CPZ: variants seen among roughly 807,000 people sequenced by gnomAD.
The protein encoded by CPZ is VEZT/CPZ fusion.
In CPZ, 103 loss-of-function variants were observed where a neutral mutation model predicts 61.8. The observed-to-expected ratio is 1.67, with a 90% CI of 1.42 to 1.96. The LOEUF (loss-of-function observed/expected upper bound fraction) is 1.96, where lower values mean the gene tolerates loss of function less well. Ranked by LOEUF, CPZ falls within the 30% of genes most tolerant of loss-of-function variation. The probability of loss-of-function intolerance (pLI) is 0.00; values close to 1 mark genes in which losing one functional copy is unlikely to be tolerated. For missense variants in CPZ, 1,461 were observed against 914.9 expected, an observed-to-expected ratio of 1.60 and a Z score of -7.70; for synonymous variants, 551 against 373.7, an observed-to-expected ratio of 1.47 and a Z score of -5.47.
At chr4:8,597,638 A>G (rs1432141618) in intron 1 of CPZ, 1 of 151,940 alleles carries the variant, frequency 6.6e-6, no homozygotes, top group Non-Finnish European at 1.5e-5. Context: ...GGGCCGCCCC[A>G]CTCCCAGGTG....
intron 9 of CPZ, among the ~76,000 whole-genome samples, chr4:8,615,846 C>T (rs1326768595): frequency 6.6e-6 from 1 of 152,232 alleles, no homozygotes; most frequent in Non-Finnish European, 1.5e-5. Context: ...CTCCCTGGGG[C>T]AGCAGCCGCT....
At chr4:8,608,376 T>G (rs898847706) in intron 7 of CPZ, among the ~76,000 whole-genome samples, 1 of 152,112 alleles carries the variant, frequency 6.6e-6, no homozygotes, top group African/African-American at 2.4e-5. Context: ...GGTGGGCAAG[T>G]GCCAGGTGCC....
At chr4:8,608,783 A>C (rs575843169) in intron 7 of CPZ, among the ~76,000 whole-genome samples, 1 of 152,146 alleles carries the variant, frequency 6.6e-6, no homozygotes, top group South Asian at 2.1e-4. Context: ...TTCCAGCTGC[A>C]GGGCAGGGAG....
Position 8,606,829 on chromosome 4 carries a change from C to T in CPZ, c.999C>T (p.Tyr333=), listed in dbSNP as rs149008174. The T allele has an allele frequency of 2.5e-6, 4 of 1,613,846 alleles. No homozygotes were observed. The highest frequency in any genetic ancestry group is 3.4e-6 in the Non-Finnish European group (4 of 1,180,004). Reference sequence around the variant, plus strand: ...TCCCGGACCTGACGTCCGAGTACTACCGGCTGGCGGAGACCCGCGGCGCAC... The same window carrying T: ...TCCCGGACCTGACGTCCGAGTACTATCGGCTGGCGGAGACCCGCGGCGCAC... ...RNFPDLTSEY[Y]RLAETRGARS... is the part of the protein sequence containing the mutation. Residue 333 remains tyrosine (Y), a synonymous_variant, in exon 6 of 11, where the codon TAC becomes TAT. Coordinates refer to ENST00000360986, the MANE Select transcript of CPZ (RefSeq NM_001014447.3).
intron 9 of CPZ, chr4:8,618,059 G>C (rs993576018): frequency 3.6e-6 from 1 of 281,652 alleles, no homozygotes. Flanking sequence ...CCTCAGCTCA[G>C]AGGGACCCAG....
chr4:8,602,581 T>C (rs1026159720), intron 3 of CPZ: 6 of 152,312 alleles, frequency 3.9e-5, no homozygotes, highest in African/African-American at 1.4e-4. Context: ...ACGACAGCCT[T>C]GCTCCATGGA....
intron 3 of CPZ, chr4:8,602,166 TG>T (rs1714627472): frequency 6.6e-6 from 1 of 152,166 alleles, no homozygotes; most frequent in Non-Finnish European, 1.5e-5. Flanking sequence ...GTCTCTGAGG[TG>T]TGCAAAGAGG....
intron 5 of CPZ, 23 bp downstream of exon 5, chr4:8,606,208 C>G: frequency 6.2e-7 from 1 of 1,602,962 alleles, no homozygotes; most frequent in Non-Finnish European, 8.5e-7. Context: ...ATGCCTGGAT[C>G]CTGTGGGCCA....
intron 4 of CPZ, among the ~76,000 whole-genome samples, chr4:8,605,421 C>T (rs1475021146): frequency 2.0e-5 from 3 of 151,622 alleles, no homozygotes; most frequent in East Asian, 3.9e-4. Flanking sequence ...TCCATCCACT[C>T]ATCATCCATC....
At chr4:8,617,622 G>A (rs77962286) in intron 9 of CPZ, among the ~76,000 whole-genome samples, 1,565 of 152,342 alleles carry the variant, frequency 0.01, 8 homozygotes, top group Middle Eastern at 0.034. Flanking sequence ...GCCTGGCTGG[G>A]AGCCCTTTCC....
rs144001774 is a variant in CPZ, at chr4:8,619,583, G to C, written c.1925G>C (p.Ser642Thr). Residue 642 changes from serine to threonine, a missense_variant, in exon 11 of 11, where the codon AGC becomes ACC. Ser to Thr is a moderately conservative substitution (Grantham distance 58). Coordinates refer to ENST00000360986, the MANE Select transcript of CPZ (RefSeq NM_001014447.3). ...TGGTGGTCCTACTTCACATCGCTGA[G>C]CACCCACAGGCCACGCTGGCTGCTC... ...PWWWSYFTSL[S>T]THRPRWLLKY is the part of the protein sequence containing the mutation. The C allele has an allele frequency of 1.3e-6, 2 of 1,519,584 alleles. No homozygotes were observed. Among genetic ancestry groups the C allele is most frequent in the Non-Finnish European group, 1.8e-6 (2 of 1,133,684 alleles). 94.1% of individuals were successfully genotyped at this position (1,519,584 alleles called of 1,614,324 possible). A position where few individuals can be genotyped will look rare whatever the true frequency, so the allele number is the denominator to read the frequency against.
At chr4:8,615,854 G>T (rs553700660) in intron 9 of CPZ, among the ~76,000 whole-genome samples, 1 of 152,222 alleles carries the variant, frequency 6.6e-6, no homozygotes, top group African/African-American at 2.4e-5. Context: ...GGCAGCAGCC[G>T]CTGAGATAGG....
intron 7 of CPZ, among the ~76,000 whole-genome samples, chr4:8,608,656 A>ATGCCTGTGTG (rs1481432445): frequency 7.3e-5 from 11 of 149,836 alleles, no homozygotes; most frequent in South Asian, 6.2e-4. Context: ...GTGCGTGTGC[A>ATGCCTGTGTG]TGCATGTGCA....
rs1714562432 is a variant in CPZ, at chr4:8,601,361, C to T, written c.360C>T (p.His120=). The T allele has an allele frequency of 6.2e-7, 1 of 1,603,210 alleles. No homozygotes were observed. The highest frequency in any genetic ancestry group is 1.1e-5 in the South Asian group (1 of 90,216). Residue 120 remains histidine, a synonymous_variant, in exon 3 of 11, where the codon CAC becomes CAT. Transcript: ENST00000360986. ...EGGWVRRPCR[H]ICEGLREVCQ... The stretch of plus-strand genomic sequence containing the variant: ...GCTGGGTGCGCAGACCCTGCCGGCA[C>T]ATCTGCGAGGGCCTGCGGGAGGTCT...
Position 8,601,232 on chromosome 4 carries a change from C to T in CPZ, c.231C>T (p.Ser77=), listed in dbSNP as rs150089485. ...HRSWEVVEAS[S]EYILLSVLHQ... ...CGTGGGAGGTGGTGGAGGCCAGCTC[C>T]GAGTACATCCTGCTGAGCGTTCTAC... The change falls in exon 3 of 11, where the codon TCC becomes TCT. Residue 77 remains serine (S), a synonymous_variant. Transcript: ENST00000360986. 3.6e-3 allele frequency: 5,731 copies of T among 1,613,424 alleles called. 16 individuals are homozygous for T. Among genetic ancestry groups the T allele is most frequent in the East Asian group, 5.0e-3 (226 of 44,838 alleles).
At chr4:8,609,667 G>A (rs532762251) in intron 7 of CPZ, among the ~76,000 whole-genome samples, 1 of 152,358 alleles carries the variant, frequency 6.6e-6, no homozygotes, top group East Asian at 1.9e-4. Flanking sequence ...CATCCCCTCT[G>A]CACTGGCCCA....
chr4:8,609,409 C>T (rs1217410437), intron 7 of CPZ, among the ~76,000 whole-genome samples: 1 of 147,620 alleles, frequency 6.8e-6, no homozygotes, highest in African/African-American at 2.7e-5. Context: ...TGGTTTATTC[C>T]CGCACTCCTT....
At chr4:8,617,141 T>G (rs1389983915) in intron 9 of CPZ, among the ~76,000 whole-genome samples, 1 of 152,212 alleles carries the variant, frequency 6.6e-6, no homozygotes, top group Non-Finnish European at 1.5e-5. Context: ...GCCGCGTGTG[T>G]CAGGCCAGTC....
At position 8,619,279 on chromosome 4, in the gene CPZ, T is replaced by C. The variant is rs1235397486; in HGVS notation, c.1621T>C (p.Trp541Arg). 1 of 1,612,290 alleles carries C rather than the reference T, an allele frequency of 6.2e-7. No individual in the cohort carries two copies. The highest frequency in any genetic ancestry group is 1.3e-5 in the African/African-American group (1 of 74,840). The part of the protein sequence containing the change: ...DITTAPDGDY[W>R]RLLPPGIHIV... ...GTCCACAGCCCCAGATGGTGACTACTGGAGACTGCTGCCCCCAGGTATCCA... is the reference window on the plus strand; with the variant it reads ...GTCCACAGCCCCAGATGGTGACTACCGGAGACTGCTGCCCCCAGGTATCCA... The change falls in exon 11 of 11, where the codon TGG becomes CGG. Residue 541 changes from tryptophan (W) to arginine (R), a missense_variant. Physicochemically the swap from Trp to Arg is moderately radical, Grantham distance 101. Coordinates refer to ENST00000360986, the MANE Select transcript of CPZ (RefSeq NM_001014447.3).
Sources: allele counts gnomAD v4.1 joint callset (sites outside exome capture counted in the v4.1 genomes callset), GRCh38; gene constraint gnomAD v4.1.1; transcripts MANE v1.5; gene names NCBI Gene and HGNC (gene_info 2026-07-23, HGNC 2026-07-21).